CCDC82: variants seen among roughly 807,000 people sequenced by gnomAD.
The protein encoded by CCDC82 is coiled-coil domain containing 82.
In CCDC82, 47 loss-of-function variants were observed where a neutral mutation model predicts 60.6. The ratio of observed to expected loss-of-function variants is 0.77; its 90% CI spans 0.61 to 0.99. The LOEUF (loss-of-function observed/expected upper bound fraction) is 0.99, where lower values mean the gene tolerates loss of function less well. Among genes scored for constraint, CCDC82 ranks in the 50% least tolerant of loss-of-function variants. The probability of loss-of-function intolerance (pLI) is 0.00; values close to 1 mark genes in which losing one functional copy is unlikely to be tolerated. For missense variants in CCDC82, 588 were observed against 633.0 expected, an observed-to-expected ratio of 0.93 and a Z score of 0.76; for synonymous variants, 212 against 207.4, an observed-to-expected ratio of 1.02 and a Z score of -0.19.
chr11:96,371,107 TC>T lies in CCDC82; in HGVS notation c.1114del (p.Asp372IlefsTer3). 3 of 1,599,290 alleles carry T rather than the reference TC, an allele frequency of 1.9e-6. No individual in the cohort carries two copies. Among genetic ancestry groups the T allele is most frequent in the Non-Finnish European group, 2.6e-6 (3 of 1,173,264 alleles). On this transcript the variant is annotated frameshift_variant, in exon 7 of 10. Transcript: ENST00000646818. LOFTEE classifies it high-confidence loss of function. ...DGTRQKSYAK[D>X]MLTSLHYLDN... ...CAAATAATGAAGAGATGTTAGCATA[TC>T]TTTTGCATATGATTTTTGCCTTGTG...
chr11:96,367,327 T>A (rs919403763), intron 7 of CCDC82, among the ~76,000 whole-genome samples: 10 of 152,240 alleles, frequency 6.6e-5, no homozygotes, highest in African/African-American at 2.4e-4. Context: ...AGAACTTATT[T>A]CAAAATTGGA....
At chr11:96,355,303 TACC>T (rs1864289410) in intron 9 of CCDC82, 1 of 152,166 alleles carries the variant, frequency 6.6e-6, no homozygotes, top group Non-Finnish European at 1.5e-5. Context: ...CAGGCGATTC[TACC>T]ACCTCAGCCT....
chr11:96,353,577 T>TAA lies in CCDC82; in HGVS notation c.*68_*69insTT. 2.6e-6 allele frequency: 3 copies of TAA among 1,157,796 alleles called. No homozygotes were observed. The highest frequency in any genetic ancestry group is 3.9e-6 in the Non-Finnish European group (3 of 773,112). 71.7% of individuals were successfully genotyped at this position (1,157,796 alleles called of 1,614,324 possible). A position where few individuals can be genotyped will look rare whatever the true frequency, so the allele number is the denominator to read the frequency against. ...TAAAATGTACAAACATGTCACATGA[T>TAA]ACAGAAAAACAAGAATCATGATCTT... is the stretch of plus-strand genomic sequence containing the variant. On this transcript the variant is annotated 3_prime_UTR_variant, in exon 10 of 10. Transcript: ENST00000646818.
chr11:96,368,619 C>A (rs1865077684), intron 7 of CCDC82, among the ~76,000 whole-genome samples: 1 of 152,156 alleles, frequency 6.6e-6, no homozygotes, highest in South Asian at 2.1e-4. Context: ...GTAATCCCAG[C>A]ACTTTGGGAG....
chr11:96,360,120 A>G (rs1030358816), intron 8 of CCDC82, among the ~76,000 whole-genome samples: 2 of 147,270 alleles, frequency 1.4e-5, no homozygotes, highest in African/African-American at 4.9e-5. Flanking sequence ...TATATATTTA[A>G]TATATATTAA....
intron 5 of CCDC82, 149 bp downstream of exon 5, chr11:96,383,120 G>A: frequency 1.6e-6 from 1 of 616,660 alleles, no homozygotes; most frequent in South Asian, 2.0e-5. Flanking sequence ...GAGACCACTG[G>A]AATAAACTAT....
At chr11:96,370,842 A>T (rs1229311979) in intron 7 of CCDC82, among the ~76,000 whole-genome samples, 171 bp downstream of exon 7, 1 of 152,236 alleles carries the variant, frequency 6.6e-6, no homozygotes, top group Non-Finnish European at 1.5e-5. Flanking sequence ...AGATATAGTT[A>T]ATGTGAAGGA....
chr11:96,358,542 G>A (rs915972156), intron 9 of CCDC82: 4 of 1,232,480 alleles, frequency 3.2e-6, no homozygotes, highest in Admixed American at 4.4e-5. Context: ...GGATGTGGGT[G>A]TATTAGAACT....
chr11:96,377,961 TAC>T (rs1865680260), intron 5 of CCDC82, among the ~76,000 whole-genome samples: 1 of 152,096 alleles, frequency 6.6e-6, no homozygotes, highest in Non-Finnish European at 1.5e-5. Flanking sequence ...TGATTTTTAG[TAC>T]ATTCAAATTT....
chr11:96,353,427 A>G lies in CCDC82; in HGVS notation c.*219T>C. ...ATATAACTTTAAAATATATTTACAGACTTAAAAATTAAGATAATGCTTTTA... is the reference window on the plus strand; with the variant it reads ...ATATAACTTTAAAATATATTTACAGGCTTAAAAATTAAGATAATGCTTTTA... On this transcript the variant is annotated 3_prime_UTR_variant, in exon 10 of 10. Coordinates refer to ENST00000646818, the MANE Select transcript of CCDC82 (RefSeq NM_024725.4). The G allele has an allele frequency of 6.6e-6, 3 of 454,908 alleles. No individual in the cohort carries two copies. Among genetic ancestry groups the G allele is most frequent in the Non-Finnish European group, 1.2e-5 (3 of 257,290 alleles). The allele number at this position is 454,908 out of a possible 1,614,324, so 28.2% of individuals were successfully genotyped here.
At chr11:96,378,805 T>C (rs1749492515) in intron 5 of CCDC82, among the ~76,000 whole-genome samples, 1 of 151,976 alleles carries the variant, frequency 6.6e-6, no homozygotes, top group African/African-American at 2.4e-5. Context: ...CTCCCTACCA[T>C]ATCTTTTCCA....
intron 9 of CCDC82, 71 bp downstream of exon 9, chr11:96,358,922 T>G (rs1864483629): frequency 1.6e-6 from 2 of 1,279,774 alleles, no homozygotes; most frequent in Non-Finnish European, 2.2e-6. Flanking sequence ...CTTTTAATCA[T>G]TTGTTTCCTT....
intron 9 of CCDC82, chr11:96,356,653 T>C (rs1864364805): frequency 2.1e-6 from 2 of 955,706 alleles, no homozygotes; most frequent in South Asian, 9.7e-5. Flanking sequence ...ATTATGTTTA[T>C]TAAATATTTT....
intron 5 of CCDC82, among the ~76,000 whole-genome samples, chr11:96,379,847 G>A (rs1402554816): frequency 6.6e-6 from 1 of 151,792 alleles, no homozygotes; most frequent in Admixed American, 6.6e-5. Flanking sequence ...ATAAATGTTT[G>A]GGAATTTCTG....
intron 7 of CCDC82, 150 bp downstream of exon 7, chr11:96,370,863 A>C (rs1318011711): frequency 6.5e-6 from 4 of 612,870 alleles, no homozygotes; most frequent in Non-Finnish European, 1.0e-5. Context: ...TTAAAACAAT[A>C]ATAACTTTTA....
In CCDC82 at chr11:96,353,578, A is replaced by G; in HGVS notation, c.*68T>C. ...AAAATGTACAAACATGTCACATGATACAGAAAAACAAGAATCATGATCTTC... is the reference window on the plus strand; with the variant it reads ...AAAATGTACAAACATGTCACATGATGCAGAAAAACAAGAATCATGATCTTC... On this transcript the variant is annotated 3_prime_UTR_variant, in exon 10 of 10. Coordinates refer to ENST00000646818, the MANE Select transcript of CCDC82 (RefSeq NM_024725.4). 1 of 1,155,752 alleles carries G rather than the reference A, an allele frequency of 8.7e-7. No homozygotes were observed. Among genetic ancestry groups the G allele is most frequent in the Non-Finnish European group, 1.3e-6 (1 of 771,052 alleles). The allele number at this position is 1,155,752 out of a possible 1,614,324, so 71.6% of individuals were successfully genotyped here. A position where few individuals can be genotyped will look rare whatever the true frequency, so the allele number is the denominator to read the frequency against.
chr11:96,362,214 T>C (rs1171145764), intron 8 of CCDC82, among the ~76,000 whole-genome samples: 2 of 152,248 alleles, frequency 1.3e-5, no homozygotes, highest in Non-Finnish European at 2.9e-5. Flanking sequence ...TGGTAATATT[T>C]AGCTAACTGT....
rs1478248704 is a variant in CCDC82, at chr11:96,387,562, G to C, written c.-87C>G. On this transcript the variant is annotated 5_prime_UTR_variant, in exon 2 of 10. Transcript: ENST00000646818. ...CACGCAGCTTGTTAGTGACAGAGCA[G>C]GGATTAGAAACCGGGTCTCTTGATT... 1.3e-5 allele frequency: 2 copies of C among 152,226 alleles called. No individual in the cohort carries two copies. The highest frequency in any genetic ancestry group is 2.4e-5 in the African/African-American group (1 of 41,454). The allele number at this position is 152,226 out of a possible 1,614,324, so 9.4% of individuals were successfully genotyped here. A position where few individuals can be genotyped will look rare whatever the true frequency, so the allele number is the denominator to read the frequency against.
At chr11:96,385,477 A>G (rs1866141897) in intron 3 of CCDC82, 2 of 152,426 alleles carry the variant, frequency 1.3e-5, no homozygotes, top group African/African-American at 4.8e-5. Flanking sequence ...ATTTACACGA[A>G]GAAAGTTATA....
Sources: gnomAD v4.1 joint callset for allele counts (sites outside exome capture counted in the v4.1 genomes callset) on GRCh38, gnomAD v4.1.1 for gene constraint, MANE v1.5 for transcripts, NCBI Gene and HGNC (gene_info 2026-07-23, HGNC 2026-07-21) for gene names.